The following MYO16 variants were observed in gnomAD, a reference collection of about 807,000 sequenced individuals.
MYO16 encodes unconventional myosin-XVI.
In MYO16, 94 loss-of-function variants were observed where a neutral mutation model predicts 205.3. That is an observed-to-expected ratio of 0.46 (90% CI 0.39 to 0.54). MYO16 has a LOEUF of 0.54. Among genes scored for constraint, MYO16 ranks in the 20% least tolerant of loss-of-function variants. The probability of loss-of-function intolerance (pLI) is 0.00; values close to 1 mark genes in which losing one functional copy is unlikely to be tolerated. For missense variants in MYO16, 2,315 were observed against 2,387.5 expected, an observed-to-expected ratio of 0.97 and a Z score of 0.63; for synonymous variants, 988 against 954.0, an observed-to-expected ratio of 1.04 and a Z score of -0.66.
intron 1 of MYO16, among the ~76,000 whole-genome samples, chr13:108,602,105 A>G (rs1223363144): frequency 2.0e-4 from 6 of 30,512 alleles, no homozygotes; most frequent in South Asian, 1.5e-3. Flanking sequence ...TATGATGAAA[A>G]AAAAAAAAAA....
At chr13:108,684,024 T>C (rs1379546710) in intron 2 of MYO16, among the ~76,000 whole-genome samples, 1 of 152,226 alleles carries the variant, frequency 6.6e-6, no homozygotes, top group East Asian at 1.9e-4. Context: ...TACAGACATG[T>C]GCCACCACAC....
At chr13:108,992,501 A>G (rs1469151195) in intron 21 of MYO16, 53 bp downstream of exon 21, 1 of 1,167,276 alleles carries the variant, frequency 8.6e-7, no homozygotes, top group African/African-American at 1.5e-5. Context: ...TTTGAAACTA[A>G]GTTCTTTTTT....
upstream of MYO16, among the ~76,000 whole-genome samples, chr13:108,625,072 G>T (rs914598312): frequency 2.6e-5 from 4 of 152,146 alleles, no homozygotes; most frequent in Non-Finnish European, 4.4e-5. Flanking sequence ...CTGACATGGA[G>T]AGGGCAGTTC....
chr13:108,854,033 G>T (rs1878040940), intron 10 of MYO16, among the ~76,000 whole-genome samples: 1 of 148,782 alleles, frequency 6.7e-6, no homozygotes. Context: ...TTGCTCTGTT[G>T]TCCAGGCTGG....
In MYO16 at chr13:109,185,820, G is replaced by A. The variant is rs547976143; in HGVS notation, c.5415+6187G>A. On this transcript the variant is annotated intron_variant, in intron 34 of 34. Coordinates refer to ENST00000457511, the MANE Select transcript of MYO16 (RefSeq NM_001198950.3). ...ATGTTTGCACCTTTACTGAGCATAGGTGTACTCATAAATCATATAATATTC... is the reference window on the plus strand; with the variant it reads ...ATGTTTGCACCTTTACTGAGCATAGATGTACTCATAAATCATATAATATTC... Among the ~76,000 whole-genome samples the A allele has an allele frequency of 2.6e-5, 4 of 152,228 alleles. No homozygotes were observed. The East Asian group carries it at 7.7e-4, about 29-fold the overall frequency.
rs190836208 is a variant in MYO16 at position 109,009,029 on chromosome 13, G to A, written c.2575G>A (p.Val859Ile). 41 of 1,591,950 alleles carry A rather than the reference G, an allele frequency of 2.6e-5. No individual in the cohort carries two copies. The highest frequency in any genetic ancestry group is 6.0e-6 in the Non-Finnish European group (7 of 1,173,140). Residue 859 changes from valine (V) to isoleucine (I), a missense_variant, in exon 22 of 35, where the codon GTT (valine) becomes ATT (isoleucine). Val to Ile is a conservative substitution (Grantham distance 29). Transcript: ENST00000457511. ...TAYSPGNQNG[V>I]LDFFFQKPSG... The stretch of plus-strand genomic sequence containing the variant: ...ATATTCTCCTGGTAACCAGAATGGA[G>A]TTTTGGACTTTTTTTTCCAGGTATT...
At chr13:108,901,054 G>T (rs2139211401) in intron 15 of MYO16, among the ~76,000 whole-genome samples, 1 of 152,252 alleles carries the variant, frequency 6.6e-6, no homozygotes, top group East Asian at 1.9e-4. Flanking sequence ...TTAGGACGAG[G>T]AAATTCCCGC....
At chr13:109,065,783 C>T (rs1594515255) in intron 27 of MYO16, among the ~76,000 whole-genome samples, 1 of 152,184 alleles carries the variant, frequency 6.6e-6, no homozygotes, top group South Asian at 2.1e-4. Flanking sequence ...GGAGTCTTAA[C>T]TCCAGATCCG....
chr13:109,053,299 A>C (rs1033008320), intron 25 of MYO16, among the ~76,000 whole-genome samples: 1 of 151,326 alleles, frequency 6.6e-6, no homozygotes. Flanking sequence ...GAGTGGCCAA[A>C]ATGTGTAATA....
intron 4 of MYO16, among the ~76,000 whole-genome samples, chr13:108,752,912 G>A (rs955569256): frequency 1.4e-5 from 2 of 144,730 alleles, no homozygotes; most frequent in Admixed American, 1.4e-4. Context: ...TGATCCACCT[G>A]CATATGGCCT....
intron 14 of MYO16, among the ~76,000 whole-genome samples, chr13:108,888,928 G>C (rs1880034034): frequency 6.6e-6 from 1 of 152,058 alleles, no homozygotes. Context: ...GGTGGCTGGT[G>C]CCTGTAATCC....
chr13:108,976,943 A>G (rs1884282453), intron 20 of MYO16, among the ~76,000 whole-genome samples: 1 of 152,224 alleles, frequency 6.6e-6, no homozygotes, highest in Non-Finnish European at 1.5e-5. Flanking sequence ...GTAGATGATT[A>G]CAACTAAAAG....
chr13:108,846,604 G>C lies in MYO16; in HGVS notation c.1248+2111G>C, dbSNP rs576607001. On this transcript the variant is annotated intron_variant, in intron 10 of 34. Transcript: ENST00000457511. The stretch of plus-strand genomic sequence containing the variant: ...TAGGATTCTATTAGAATAGTTATGT[G>C]AGCAAAGAAATTGAGTGTGACTGAC... Among the ~76,000 whole-genome samples, 5 of 151,964 alleles carry C rather than the reference G, an allele frequency of 3.3e-5. No individual in the cohort carries two copies. In the South Asian group the frequency reaches 8.3e-4, roughly 25 times the overall value.
rs772608110 is a variant in MYO16 at position 109,127,374 on chromosome 13, C to T, written c.3875C>T (p.Pro1292Leu). The change falls in exon 31 of 35, where the codon CCG becomes CTG. Residue 1292 changes from proline (P) to leucine (L), a missense_variant. By Grantham distance (98) the Pro-to-Leu change is moderately conservative (BLOSUM62 -3). Transcript: ENST00000457511. This position sits in a 1 kb window ranked among gnomAD's most constrained non-coding sequence, Gnocchi z 4.2. ...VDGLGQCLVGPSIWSPSLHSV... is the reference protein window; with the variant it reads ...VDGLGQCLVGLSIWSPSLHSV... ...GGCCTGGGCCAGTGCCTCGTTGGCC[C>T]GTCCATCTGGTCTCCTTCGCTGCAC... 17 of 1,613,658 alleles carry T rather than the reference C, an allele frequency of 1.1e-5. No individual in the cohort carries two copies. The East Asian group carries it at 1.3e-4, about 13-fold the overall frequency.
intron 31 of MYO16, among the ~76,000 whole-genome samples, chr13:109,136,263 T>C (rs1876770948): frequency 6.6e-6 from 1 of 151,996 alleles, no homozygotes; most frequent in Admixed American, 6.6e-5. Flanking sequence ...CTGGCTAATT[T>C]GTGTATTTTT....
In MYO16 at chr13:109,009,047, C is replaced by G. The variant is rs1566458550; in HGVS notation, c.2593C>G (p.Gln865Glu). 6.3e-7 allele frequency: 1 copy of G among 1,584,728 alleles called. No homozygotes were observed. Among genetic ancestry groups the G allele is most frequent in the Non-Finnish European group, 8.6e-7 (1 of 1,168,602 alleles). Residue 865 changes from glutamine (Q) to glutamate (E), a missense_variant and splice_region_variant, in exon 22 of 35, where the codon CAG becomes GAG. Gln to Glu is a conservative substitution (Grantham distance 29). Around this residue, in one of 3 missense-constraint regions of MYO16, gnomAD observed 1,213 missense variants for 1,274.4 expected, o/e 0.95. Transcript: ENST00000457511. ...GAATGGAGTTTTGGACTTTTTTTTCCAGGTATTCATATAATATAATTAGAT... is the reference window on the plus strand; with the variant it reads ...GAATGGAGTTTTGGACTTTTTTTTCGAGGTATTCATATAATATAATTAGAT... ...NQNGVLDFFF[Q>E]KPSGFLTLLD...
chr13:109,051,817 A>G (rs1887256285), intron 24 of MYO16, among the ~76,000 whole-genome samples: 1 of 151,878 alleles, frequency 6.6e-6, no homozygotes, highest in Non-Finnish European at 1.5e-5. Flanking sequence ...CCCTTCTTTC[A>G]CCTAGCAACT....
intron 27 of MYO16, among the ~76,000 whole-genome samples, chr13:109,085,892 G>A (rs1041727281): frequency 5.9e-5 from 9 of 152,124 alleles, no homozygotes; most frequent in East Asian, 1.9e-4. Flanking sequence ...AATGTGTGAC[G>A]GAGAGAAACT....
intron 16 of MYO16, among the ~76,000 whole-genome samples, chr13:108,920,570 A>C (rs1465504871): frequency 6.6e-6 from 1 of 152,010 alleles, no homozygotes; most frequent in Non-Finnish European, 1.5e-5. Flanking sequence ...GCGATTCTCC[A>C]GCCTCAGCCT....
Sources: gnomAD v4.1 joint callset for allele counts (sites outside exome capture counted in the v4.1 genomes callset) on GRCh38, gnomAD v4.1.1 for gene constraint, gnomAD v4.1.1 regional missense constraint, Gnocchi (gnomAD v3.1) non-coding constraint, MANE v1.5 for transcripts, NCBI Gene and HGNC (gene_info 2026-07-23, HGNC 2026-07-21) for gene names.